The following HNF4A variants were observed in gnomAD, a reference collection of about 807,000 sequenced individuals.
The protein encoded by HNF4A is hepatocyte nuclear factor 4-alpha.
In HNF4A, 15 loss-of-function variants were observed where a neutral mutation model predicts 52.4. That is an observed-to-expected ratio of 0.29 (90% confidence interval 0.19 to 0.44). HNF4A has a LOEUF of 0.44. Among genes scored for constraint, HNF4A ranks in the 20% least tolerant of loss-of-function variants. HNF4A has a pLI of 1.00. For missense variants in HNF4A, 479 were observed against 647.2 expected, an observed-to-expected ratio of 0.74 and a Z score of 2.82; for synonymous variants, 280 against 264.4, an observed-to-expected ratio of 1.06 and a Z score of -0.57.
rs1286857547 is a variant in HNF4A at position 44,429,636 on chromosome 20, C to A, written c.1396C>A (p.Pro466Thr). The A allele has an allele frequency of 2.5e-6, 4 of 1,614,080 alleles. No homozygotes were observed. In the East Asian group the frequency reaches 8.9e-5, roughly 36 times the overall value. The stretch of plus-strand genomic sequence containing the variant: ...CAAGCCCCTCTCTGCCATCCCCCAG[C>A]CGACCATCACCAAGCAGGAAGTTAT... The change falls in exon 10 of 10, where the codon CCG becomes ACG. Residue 466 changes from proline (P) to threonine (T), a missense_variant. Coordinates refer to ENST00000316099, the MANE Select transcript of HNF4A (RefSeq NM_000457.6).
intron 1 of HNF4A, among the ~76,000 whole-genome samples, chr20:44,373,617 G>A (rs1372391307): frequency 1.3e-5 from 2 of 152,202 alleles, no homozygotes; most frequent in Middle Eastern, 3.4e-3. Context: ...ACCCCTAAAC[G>A]TGGGGTCCAA....
At chr20:44,369,097 A>T (rs1240946964) in intron 1 of HNF4A, among the ~76,000 whole-genome samples, 2 of 151,766 alleles carry the variant, frequency 1.3e-5, no homozygotes, top group African/African-American at 4.8e-5. Flanking sequence ...AATACCAAAA[A>T]AATTAGCTGG....
At chr20:44,377,160 T>C (rs1390594608) in intron 1 of HNF4A, among the ~76,000 whole-genome samples, 2 of 152,174 alleles carry the variant, frequency 1.3e-5, no homozygotes, top group Non-Finnish European at 2.9e-5. Context: ...CTGGAAACCA[T>C]TATCCGAAGC....
chr20:44,418,314 C>A, intron 5 of HNF4A, 111 bp from the exon 6 acceptor site: 2 of 826,070 alleles, frequency 2.4e-6, no homozygotes, highest in Non-Finnish European at 4.3e-6. Context: ...ACAGTTCAGG[C>A]AGGTAGAGGC....
chr20:44,378,388 C>A (rs982970725), intron 1 of HNF4A, among the ~76,000 whole-genome samples: 1 of 151,816 alleles, frequency 6.6e-6, no homozygotes, highest in South Asian at 2.1e-4. Context: ...CTGCCTCAGC[C>A]TCCCGAGTAG....
chr20:44,368,158 A>ATTTTTTTT (rs1477714904), intron 1 of HNF4A, among the ~76,000 whole-genome samples: 1 of 13,218 alleles, frequency 7.6e-5, no homozygotes. Context: ...ATATATATAT[A>ATTTTTTTT]TATTTTTTTT....
At chr20:44,373,797 C>A (rs756134487) in intron 1 of HNF4A, among the ~76,000 whole-genome samples, 13 of 152,094 alleles carry the variant, frequency 8.5e-5, no homozygotes, top group Non-Finnish European at 1.9e-4. Context: ...TCAAGCAATT[C>A]TCCTGCCTCA....
Position 44,429,603 on chromosome 20 carries a change from A to G in HNF4A, c.1363A>G (p.Thr455Ala). The G allele has an allele frequency of 6.2e-7, 1 of 1,613,840 alleles. No individual in the cohort carries two copies. Among genetic ancestry groups the G allele is most frequent in the Non-Finnish European group, 8.5e-7 (1 of 1,179,966 alleles). ...TAAGCTCCTGCCGGGAGCCGTCGCC[A>G]CAATCGTCAAGCCCCTCTCTGCCAT... is the stretch of plus-strand genomic sequence containing the variant. Residue 455 changes from threonine to alanine, a missense_variant, in exon 10 of 10, where the codon ACA becomes GCA. Thr to Ala is a moderately conservative substitution (Grantham distance 58). Transcript: ENST00000316099.
chr20:44,359,671 G>A (rs1475544140), intron 1 of HNF4A, among the ~76,000 whole-genome samples: 1 of 152,196 alleles, frequency 6.6e-6, no homozygotes, highest in African/African-American at 2.4e-5. Context: ...ATGTTAAGCA[G>A]CATCCCTGGC....
chr20:44,429,991 A>T lies in HNF4A; in HGVS notation c.*326A>T, dbSNP rs544107343. 4 of 346,028 alleles carry T rather than the reference A, an allele frequency of 1.2e-5. No individual in the cohort carries two copies. The highest frequency in any genetic ancestry group is 6.3e-5 in the African/African-American group (3 of 47,692). 21.4% of individuals were successfully genotyped at this position (346,028 alleles called of 1,614,324 possible). On this transcript the variant is annotated 3_prime_UTR_variant, in exon 10 of 10. Coordinates refer to ENST00000316099, the MANE Select transcript of HNF4A (RefSeq NM_000457.6). ...CCCAAAGGACAGCCGCCTGGAGATGACTTGAGGCCTTACTTAAACCCAGCT... is the reference window on the plus strand; with the variant it reads ...CCCAAAGGACAGCCGCCTGGAGATGTCTTGAGGCCTTACTTAAACCCAGCT...
At chr20:44,358,259 A>AAG (rs2062879928) in intron 1 of HNF4A, among the ~76,000 whole-genome samples, 1 of 149,984 alleles carries the variant, frequency 6.7e-6, no homozygotes. Flanking sequence ...AAAAAAAAAA[A>AAG]AAAGAAAAGA....
rs554777680 is a variant in HNF4A, at chr20:44,418,590, A to G, written c.736+78A>G. On this transcript the variant is annotated intron_variant, in intron 6 of 9. Coordinates refer to ENST00000316099, the MANE Select transcript of HNF4A (RefSeq NM_000457.6). ...GGCACTCACCCAGGCAAGGAGATTC[A>G]CATGGTGGCATGCAAGGGTGAGGGA... The G allele has an allele frequency of 1.6e-3, 1,778 of 1,091,974 alleles. 6 individuals carry two copies. Among genetic ancestry groups the G allele is most frequent in the Non-Finnish European group, 2.1e-3 (1,518 of 718,500 alleles). The allele number at this position is 1,091,974 out of a possible 1,614,324, so 67.6% of individuals were successfully genotyped here.
At chr20:44,392,399 G>A (rs2063311818) in intron 1 of HNF4A, among the ~76,000 whole-genome samples, 1 of 152,098 alleles carries the variant, frequency 6.6e-6, no homozygotes, top group African/African-American at 2.4e-5. Flanking sequence ...CCTACAGTGG[G>A]TCTCAATATT....
chr20:44,357,321 C>G (rs528172938), intron 1 of HNF4A, among the ~76,000 whole-genome samples: 1 of 152,150 alleles, frequency 6.6e-6, no homozygotes. Flanking sequence ...TCCCAGAGAG[C>G]GGGGAGATTA....
Position 44,424,134 on chromosome 20 carries a change from C to A in HNF4A, c.1009C>A (p.Leu337Met), listed in dbSNP as rs989594362. Residue 337 changes from leucine to methionine, a missense_variant, in exon 8 of 10, where the codon CTG (leucine) becomes ATG (methionine). By Grantham distance (15) the Leu-to-Met change is conservative (BLOSUM62 2). Around this residue, in one of 3 missense-constraint regions of HNF4A, gnomAD observed 389 missense variants for 525.1 expected, o/e 0.74. Coordinates refer to ENST00000316099, the MANE Select transcript of HNF4A (RefSeq NM_000457.6). ...TGACTCGCGTGGCCGCTTTGGAGAG[C>A]TGCTGCTGCTGCTGCCCACCTTGCA... 2 of 1,606,968 alleles carry A rather than the reference C, an allele frequency of 1.2e-6. No homozygotes were observed. Among genetic ancestry groups the A allele is most frequent in the Admixed American group, 3.4e-5 (2 of 59,356 alleles).
rs1229412575 is a variant in HNF4A at position 44,373,921 on chromosome 20, C to G, written c.49+18068C>G. ...GCCAGCCTGATCTCGAACTCCTGAC[C>G]TCTGGTGATCCACCTACCTCAGCCT... On this transcript the variant is annotated intron_variant, in intron 1 of 9. Coordinates refer to the HNF4A transcript ENST00000316673. Among the ~76,000 whole-genome samples, 4 of 152,184 alleles carry G rather than the reference C, an allele frequency of 2.6e-5. No homozygotes were observed. In the South Asian group the frequency reaches 8.3e-4, roughly 32 times the overall value.
At chr20:44,402,532 ATGTCCGTT>A (rs758915820) in intron 1 of HNF4A, 19 of 1,353,646 alleles carry the variant, frequency 1.4e-5, no homozygotes, top group Middle Eastern at 2.1e-4. Context: ...TATCAGCAAC[ATGTCCGTT>A]TGTCTCTGAG....
rs369385875 is a variant in HNF4A at position 44,367,635 on chromosome 20, G to A, written c.49+11782G>A. The stretch of plus-strand genomic sequence containing the variant: ...CAGCCTGGTAACAGAGCAACACTCC[G>A]TCTCAAAAAAAAAAAAAAAATTAAC... On this transcript the variant is annotated intron_variant, in intron 1 of 9. Transcript: ENST00000316673. Among the ~76,000 whole-genome samples, 433 of 116,274 alleles carry A rather than the reference G, an allele frequency of 3.7e-3. 2 individuals are homozygous for A. The highest frequency in any genetic ancestry group is 0.016 in the Middle Eastern group (3 of 184). 76.3% of individuals were successfully genotyped at this position (116,274 alleles called of 152,430 possible).
At chr20:44,406,020 T>G in intron 1 of HNF4A, 38 bp from the exon 2 acceptor site, 1 of 1,596,790 alleles carries the variant, frequency 6.3e-7, no homozygotes, top group African/African-American at 1.3e-5. Flanking sequence ...TGACATTCTG[T>G]TCTTCCTGAA....
Sources: gnomAD v4.1 joint callset for allele counts (sites outside exome capture counted in the v4.1 genomes callset) on GRCh38, gnomAD v4.1.1 for gene constraint, gnomAD v4.1.1 regional missense constraint, MANE v1.5 for transcripts, NCBI Gene and HGNC (gene_info 2026-07-23, HGNC 2026-07-21) for gene names.